ZFX: variants seen among roughly 807,000 people sequenced by gnomAD.
The protein encoded by ZFX is zinc finger protein X-linked.
For synonymous variants in ZFX, 196 were observed against 226.8 expected, an observed-to-expected ratio of 0.86 and a Z score of 1.22; for missense variants, 362 against 628.3, an observed-to-expected ratio of 0.58 and a Z score of 4.53.
At chrX:24,154,645 T>C (rs753775413) in intron 3 of ZFX, among the ~76,000 whole-genome samples, 2 of 111,853 alleles carry the variant, frequency 1.8e-5, no homozygotes, top group Admixed American at 9.5e-5. Flanking sequence ...GCATGACATA[T>C]GATGTCATAA....
intron 5 of ZFX, among the ~76,000 whole-genome samples, chrX:24,192,850 G>A (rs1316385307): frequency 9.4e-6 from 1 of 106,595 alleles, no homozygotes; most frequent in African/African-American, 3.5e-5. Context: ...AGCCATGATT[G>A]TGCACTGCAT....
intron 4 of ZFX, among the ~76,000 whole-genome samples, chrX:24,178,291 CTT>C (rs749167997): frequency 4.6e-5 from 4 of 86,898 alleles, no homozygotes; most frequent in Admixed American, 1.3e-4. Context: ...CTTTTCTTTT[CTT>C]TTTTTTTTTT....
chrX:24,157,718 A>T (rs182090694), intron 3 of ZFX, among the ~76,000 whole-genome samples: 2 of 112,099 alleles, frequency 1.8e-5, no homozygotes, highest in East Asian at 5.6e-4. Flanking sequence ...TTTTGAGTGG[A>T]AGAGCAATCC....
intron 3 of ZFX, among the ~76,000 whole-genome samples, chrX:24,169,125 C>T (rs759162296): frequency 5.4e-5 from 6 of 111,498 alleles, no homozygotes; most frequent in African/African-American, 6.5e-5. Flanking sequence ...ATAGTCATCT[C>T]TGTTTAGAAT....
intron 5 of ZFX, among the ~76,000 whole-genome samples, chrX:24,191,552 C>T (rs1213830090): frequency 9.0e-6 from 1 of 111,454 alleles, no homozygotes; most frequent in Non-Finnish European, 1.9e-5. Context: ...TCACATATGT[C>T]AAGTAGAGAC....
intron 5 of ZFX, among the ~76,000 whole-genome samples, chrX:24,187,678 AT>A (rs1047523791): frequency 1.3e-4 from 14 of 111,384 alleles, no homozygotes; most frequent in African/African-American, 4.6e-4. Flanking sequence ...GCCAGTGTTG[AT>A]TTTTCTTTTG....
chrX:24,167,653 A>G (rs73201438), intron 3 of ZFX, among the ~76,000 whole-genome samples: 2,599 of 112,200 alleles, frequency 0.023, 31 homozygotes, highest in Non-Finnish European at 0.038. Flanking sequence ...AATTCAGTAG[A>G]TGGGGTGGAG....
chrX:24,179,143 A>G (rs778379614), intron 4 of ZFX, 40 bp from the exon 5 acceptor site: 8 of 1,129,506 alleles, frequency 7.1e-6, no homozygotes, highest in East Asian at 3.0e-5. Flanking sequence ...GTAGTCATGC[A>G]TACTTACCTG....
chrX:24,169,235 C>T (rs1231266423), intron 3 of ZFX, among the ~76,000 whole-genome samples: 2 of 111,476 alleles, frequency 1.8e-5, no homozygotes, highest in East Asian at 2.8e-4. Flanking sequence ...TGAGCGGGCA[C>T]CCCCATGTAG....
chrX:24,151,878 C>T (rs1932195465), intron 2 of ZFX, 78 bp downstream of exon 2: 1 of 111,575 alleles, frequency 9.0e-6, no homozygotes, highest in Non-Finnish European at 1.9e-5. Flanking sequence ...TCAGTGTTTT[C>T]ATTATCAGAA....
At chrX:24,157,309 T>A (rs768121322) in intron 3 of ZFX, among the ~76,000 whole-genome samples, 15 of 112,335 alleles carry the variant, frequency 1.3e-4, no homozygotes, top group South Asian at 3.7e-4. Flanking sequence ...TGTTGACTTA[T>A]ATGTATTGAT....
rs750359139 is a variant in ZFX at position 24,176,133 on chromosome X, G to A, written c.59-3050G>A. ...TTGCTCACCACAACCTCTGCCTCCC[G>A]GGTTCAAATGATTCTCCTGCCTCAG... On this transcript the variant is annotated intron_variant, in intron 4 of 9. Transcript: ENST00000304543. Among the ~76,000 whole-genome samples, 3 of 106,051 alleles carry A rather than the reference G, an allele frequency of 2.8e-5. No individual in the cohort carries two copies. The East Asian group carries it at 8.9e-4, about 31-fold the overall frequency. The allele number at this position is 106,051 out of a possible 115,157, so 92.1% of individuals were successfully genotyped here.
At chrX:24,208,777 T>C in intron 8 of ZFX, 123 bp from the exon 9 acceptor site, 1 of 756,442 alleles carries the variant, frequency 1.3e-6, no homozygotes, top group Non-Finnish European at 1.9e-6. Context: ...TGACCTAGAA[T>C]GGGGAATTTC....
chrX:24,169,546 C>G (rs966602035), intron 3 of ZFX, among the ~76,000 whole-genome samples: 15 of 106,002 alleles, frequency 1.4e-4, no homozygotes, highest in African/African-American at 4.9e-4. Context: ...TTTTCATCCC[C>G]CAGGGATCAG....
intron 5 of ZFX, among the ~76,000 whole-genome samples, chrX:24,204,235 T>TGAAA (rs1383423058): frequency 1.8e-5 from 2 of 112,549 alleles, no homozygotes; most frequent in Non-Finnish European, 3.7e-5. Context: ...AGCTTTTCTT[T>TGAAA]GCAAGTAATT....
At chrX:24,149,188 G>A (rs1446644156), upstream of ZFX, 1 of 109,986 alleles carries the variant, frequency 9.1e-6, no homozygotes, top group Admixed American at 9.5e-5. Flanking sequence ...ATTTACTGCG[G>A]GCGGGGGTCT....
intron 5 of ZFX, among the ~76,000 whole-genome samples, chrX:24,191,568 A>T (rs904786011): frequency 5.4e-5 from 6 of 111,852 alleles, no homozygotes; most frequent in Non-Finnish European, 9.4e-5. Context: ...GAGACAGAAC[A>T]TCTAAGTTCT....
At chrX:24,168,932 T>G (rs1321472771) in intron 3 of ZFX, among the ~76,000 whole-genome samples, 1 of 110,797 alleles carries the variant, frequency 9.0e-6, no homozygotes, top group Admixed American at 9.7e-5. Flanking sequence ...TCAACTGATC[T>G]CTGGGCTTGG....
chrX:24,163,211 A>G (rs1452566825), intron 3 of ZFX, among the ~76,000 whole-genome samples: 1 of 81,078 alleles, frequency 1.2e-5, no homozygotes, highest in Non-Finnish European at 2.3e-5. Flanking sequence ...ATACTGTGCC[A>G]AGGTCTGTGG....
Sources: gnomAD v4.1 joint callset for allele counts (sites outside exome capture counted in the v4.1 genomes callset) on GRCh38, gnomAD v4.1.1 for gene constraint, MANE v1.5 for transcripts, NCBI Gene and HGNC (gene_info 2026-07-23, HGNC 2026-07-21) for gene names.